The following PTPRD variants were observed in gnomAD, a reference collection of about 807,000 sequenced individuals.
PTPRD encodes the protein protein tyrosine phosphatase receptor type D.
Under a neutral mutation model 214.5 loss-of-function variants are expected in PTPRD, and 34 were observed. That is an observed-to-expected ratio of 0.16 (90% confidence interval 0.12 to 0.21). The LOEUF (loss-of-function observed/expected upper bound fraction) is 0.21, where lower values mean the gene tolerates loss of function less well. Ranked by LOEUF, PTPRD falls within the 10% of genes least tolerant of loss-of-function variation. The pLI is 1.00. For missense variants in PTPRD, 2,545 were observed against 2,398.7 expected (o/e 1.06, Z -1.27); for synonymous variants, 1,128 against 845.7 (o/e 1.33, Z -5.79).
intron 2 of PTPRD, among the ~76,000 whole-genome samples, chr9:10,403,168 C>A (rs1217679878): frequency 2.2e-5 from 3 of 135,456 alleles, no homozygotes; most frequent in Non-Finnish European, 3.2e-5. Context: ...AAAGCTTTGG[C>A]CTTAAGCACT....
At chr9:10,117,224 CAG>C (rs1459889238) in intron 3 of PTPRD, among the ~76,000 whole-genome samples, 8 of 151,980 alleles carry the variant, frequency 5.3e-5, no homozygotes, top group African/African-American at 1.9e-4. Context: ...GGCAAGAAAA[CAG>C]AGTAAATTGC....
At chr9:9,750,967 A>G (rs140128061) in intron 6 of PTPRD, among the ~76,000 whole-genome samples, 64 of 152,198 alleles carry the variant, frequency 4.2e-4, no homozygotes, top group East Asian at 1.5e-3. Flanking sequence ...AGTGCATTAA[A>G]TCATCACTGG....
intron 2 of PTPRD, among the ~76,000 whole-genome samples, chr9:10,562,342 T>TGC (rs1043839259): frequency 2.0e-5 from 3 of 151,970 alleles, no homozygotes; most frequent in African/African-American, 7.2e-5. Flanking sequence ...TTTTTTTTTT[T>TGC]TGCTGCCTGT....
intron 5 of PTPRD, among the ~76,000 whole-genome samples, chr9:9,878,241 A>C (rs1374967388): frequency 6.6e-6 from 1 of 152,172 alleles, no homozygotes; most frequent in East Asian, 1.9e-4. Flanking sequence ...TCATTTAGTC[A>C]CATAGGAATA....
intron 7 of PTPRD, among the ~76,000 whole-genome samples, chr9:9,732,522 G>A (rs1028526893): frequency 3.9e-5 from 6 of 152,084 alleles, no homozygotes; most frequent in Non-Finnish European, 8.8e-5. Flanking sequence ...ATGGAATTTA[G>A]GCAAAAGGAC....
At chr9:10,501,966 T>A (rs936311892) in intron 2 of PTPRD, among the ~76,000 whole-genome samples, 1 of 151,966 alleles carries the variant, frequency 6.6e-6, no homozygotes, top group African/African-American at 2.4e-5. Flanking sequence ...GACATCATTA[T>A]GTTTTTAAAG....
At chr9:8,615,570 G>A (rs939564475) in intron 14 of PTPRD, among the ~76,000 whole-genome samples, 3 of 152,040 alleles carry the variant, frequency 2.0e-5, no homozygotes, top group African/African-American at 2.4e-5. Flanking sequence ...TTGCTTAAAA[G>A]ACTAGCTAGC....
intron 2 of PTPRD, among the ~76,000 whole-genome samples, chr9:10,429,049 T>G (rs1360062307): frequency 6.6e-6 from 1 of 152,064 alleles, no homozygotes; most frequent in African/African-American, 2.4e-5. Flanking sequence ...AAATTAATTT[T>G]CATCATGTGA....
chr9:9,098,300 G>A (rs946499032), intron 10 of PTPRD, among the ~76,000 whole-genome samples: 4 of 151,722 alleles, frequency 2.6e-5, no homozygotes, highest in Admixed American at 6.6e-5. Flanking sequence ...GTTGTTTCCC[G>A]GGCTGAAGTG....
intron 11 of PTPRD, among the ~76,000 whole-genome samples, chr9:8,999,561 G>A (rs1016281775): frequency 6.6e-6 from 1 of 152,044 alleles, no homozygotes; most frequent in Non-Finnish European, 1.5e-5. Context: ...AAAAATTCAT[G>A]TGACTTGCTC....
rs138301990 is a variant in PTPRD, at chr9:8,875,686, T to C, written c.-103-141740A>G. ...ATATTATTATGCTCAATAATAAGCA[T>C]CACCTCATGTCCTTAGATAATGCTA... is the stretch of plus-strand genomic sequence containing the variant. On this transcript the variant is annotated intron_variant, in intron 11 of 45. Transcript: ENST00000381196. Among the ~76,000 whole-genome samples the C allele has an allele frequency of 4.4e-3, 667 of 152,282 alleles. 7 individuals are homozygous for C. The highest frequency in any genetic ancestry group is 0.015 in the African/African-American group (623 of 41,540).
rs937997984 is a variant in PTPRD, at chr9:9,282,654, C to T, written c.-202-99291G>A. On this transcript the variant is annotated intron_variant, in intron 9 of 45. Coordinates refer to ENST00000381196, the MANE Select transcript of PTPRD (RefSeq NM_002839.4). The stretch of plus-strand genomic sequence containing the variant: ...ATTTCTTTAAGCCCACTGATTTTAG[C>T]ATTTTGACTGAACTAACTTACTACT... 3.3e-5 allele frequency among the ~76,000 whole-genome samples: 5 copies of T among 151,370 alleles called. No individual in the cohort carries two copies. In the South Asian group the frequency reaches 1.0e-3, roughly 31 times the overall value.
At chr9:9,594,253 C>T (rs2093056814) in intron 7 of PTPRD, among the ~76,000 whole-genome samples, 1 of 151,954 alleles carries the variant, frequency 6.6e-6, no homozygotes. Flanking sequence ...TATAGATGGG[C>T]TATATAATGG....
intron 44 of PTPRD, among the ~76,000 whole-genome samples, chr9:8,326,007 A>C (rs1250958305): frequency 1.3e-5 from 2 of 152,202 alleles, no homozygotes; most frequent in African/African-American, 4.8e-5. Context: ...CAATGTTGTC[A>C]TGTGCAAACA....
chr9:10,583,709 A>G (rs954242941), intron 2 of PTPRD, among the ~76,000 whole-genome samples: 3 of 151,006 alleles, frequency 2.0e-5, no homozygotes, highest in Non-Finnish European at 4.4e-5. Context: ...CGATCTCCTG[A>G]CCTCGTGATG....
At chr9:9,149,556 G>T (rs1198144423) in intron 10 of PTPRD, among the ~76,000 whole-genome samples, 3 of 152,098 alleles carry the variant, frequency 2.0e-5, no homozygotes, top group South Asian at 2.1e-4. Flanking sequence ...GGGTTCCCTG[G>T]CAATCAGCTT....
chr9:9,416,786 A>G (rs2077121934), intron 8 of PTPRD, among the ~76,000 whole-genome samples: 2 of 152,148 alleles, frequency 1.3e-5, no homozygotes, highest in African/African-American at 4.8e-5. Context: ...GACTTTTTCA[A>G]AGTCACATGG....
chr9:9,981,744 T>A (rs1306485616), intron 4 of PTPRD, among the ~76,000 whole-genome samples: 1 of 152,114 alleles, frequency 6.6e-6, no homozygotes. Context: ...TGATCAGGAA[T>A]GTGGAGATAA....
chr9:9,285,951 T>A (rs1028146018), intron 9 of PTPRD, among the ~76,000 whole-genome samples: 8 of 151,806 alleles, frequency 5.3e-5, no homozygotes, highest in African/African-American at 7.3e-5. Context: ...AATTTCCTGG[T>A]CTGCCAGAGG....
Sources: allele counts gnomAD v4.1 joint callset (sites outside exome capture counted in the v4.1 genomes callset), GRCh38; gene constraint gnomAD v4.1.1; transcripts MANE v1.5; gene names NCBI Gene and HGNC (gene_info 2026-07-23, HGNC 2026-07-21).